TPRG1: variants seen among roughly 807,000 people sequenced by gnomAD.
The protein encoded by TPRG1 is tumor protein p63 regulated 1.
TPRG1 carries 29 observed loss-of-function variants against 29.3 expected under a neutral mutation model. That is an observed-to-expected ratio of 0.99 (90% CI 0.74 to 1.35). The LOEUF is 1.35. Among genes scored for constraint, TPRG1 ranks in the 40% most tolerant of loss-of-function variants. The pLI is 0.00. For missense variants in TPRG1, 327 were observed against 335.0 expected, an observed-to-expected ratio of 0.98 and a Z score of 0.19; for synonymous variants, 130 against 116.8, an observed-to-expected ratio of 1.11 and a Z score of -0.73.
chr3:189,241,848 A>G (rs992773459), intron 4 of TPRG1, among the ~76,000 whole-genome samples: 1 of 152,152 alleles, frequency 6.6e-6, no homozygotes. Flanking sequence ...GCTTCCTGCC[A>G]TGATTCTGAG....
intron 1 of TPRG1, chr3:189,121,614 C>T (rs927326707): frequency 1.3e-5 from 2 of 152,196 alleles, no homozygotes; most frequent in African/African-American, 4.8e-5. Flanking sequence ...ATTATTTGTT[C>T]TTGAAGCAGA....
rs189605587 is a variant in TPRG1, at chr3:189,081,628, A to G, written c.-462-45429A>G. On this transcript the variant is annotated intron_variant, in intron 4 of 10. Transcript: ENST00000433971. ...AAACACCTTACATGGTTCACTTTGG[A>G]TCATTAAGTAGCAAAGATTACCTCT... Among the ~76,000 whole-genome samples, 798 of 152,308 alleles carry G rather than the reference A, an allele frequency of 5.2e-3. 11 individuals carry two copies. The highest frequency in any genetic ancestry group is 0.019 in the African/African-American group (769 of 41,560).
intron 4 of TPRG1, chr3:189,267,516 G>C (rs1388462132): frequency 2.6e-5 from 4 of 152,198 alleles, no homozygotes; most frequent in Admixed American, 1.3e-4. Context: ...CGTTTTTAGT[G>C]GTGGGAACTG....
intron 4 of TPRG1, among the ~76,000 whole-genome samples, chr3:189,250,111 T>C (rs747802284): frequency 2.6e-5 from 4 of 152,164 alleles, no homozygotes; most frequent in Non-Finnish European, 5.9e-5. Context: ...TGGGGACTGA[T>C]GTAATTCCAG....
At chr3:189,032,730 A>C (rs1714002852) in intron 4 of TPRG1, among the ~76,000 whole-genome samples, 1 of 143,558 alleles carries the variant, frequency 7.0e-6, no homozygotes, top group Non-Finnish European at 1.5e-5. Context: ...TGTATCTCCT[A>C]ATGCTATCCC....
intron 4 of TPRG1, among the ~76,000 whole-genome samples, chr3:189,307,788 CCTT>C (rs1172415665): frequency 6.6e-6 from 1 of 152,148 alleles, no homozygotes; most frequent in Non-Finnish European, 1.5e-5. Context: ...TTCCAAGAGC[CCTT>C]CTAGCTCTGA....
At position 189,320,798 on chromosome 3, in the gene TPRG1, C is replaced by T. The variant is rs1011731896; in HGVS notation, c.806C>T (p.Ala269Val). The T allele has an allele frequency of 1.3e-6, 2 of 1,599,460 alleles. No individual in the cohort carries two copies. Among genetic ancestry groups the T allele is most frequent in the South Asian group, 1.1e-5 (1 of 88,446 alleles). ...CGCAACAAACTTGGCTATTCCCTTG[C>T]CCGTGGGAGTATTGGTTTTTGAGAG... Reference protein sequence around the residue: ...GNRNKLGYSLARGSIGF With the variant: ...GNRNKLGYSLVRGSIGF The change falls in exon 6 of 6, where the codon GCC becomes GTC. Residue 269 changes from alanine (A) to valine (V), a missense_variant. By Grantham distance (64) the Ala-to-Val change is moderately conservative. Transcript: ENST00000345063.
intron 2 of TPRG1, among the ~76,000 whole-genome samples, chr3:189,214,676 C>T (rs946270451): frequency 5.9e-5 from 9 of 152,142 alleles, no homozygotes; most frequent in African/African-American, 2.2e-4. Context: ...TCCCAGAAAT[C>T]TATGTTTTAA....
chr3:189,013,573 C>T (rs1340483912), intron 3 of TPRG1, among the ~76,000 whole-genome samples: 1 of 151,886 alleles, frequency 6.6e-6, no homozygotes, highest in African/African-American at 2.4e-5. Context: ...CCTGAAAATC[C>T]CTGTTATTTT....
intron 4 of TPRG1, among the ~76,000 whole-genome samples, chr3:189,067,859 A>G (rs1286948295): frequency 6.6e-6 from 1 of 152,236 alleles, no homozygotes; most frequent in East Asian, 1.9e-4. Context: ...TGCACAACAA[A>G]GGAAACAATC....
At chr3:189,301,679 A>T (rs981124313) in intron 4 of TPRG1, among the ~76,000 whole-genome samples, 2 of 152,206 alleles carry the variant, frequency 1.3e-5, no homozygotes, top group Non-Finnish European at 2.9e-5. Flanking sequence ...AGGCTGACAG[A>T]TAGCAAGGCC....
rs1387125259 is a variant in TPRG1 at position 189,058,560 on chromosome 3, C to T, written c.-463+34614C>T. Among the ~76,000 whole-genome samples the T allele has an allele frequency of 5.9e-5, 9 of 152,238 alleles. 1 individual carries two copies. Among genetic ancestry groups the T allele is most frequent in the East Asian group, 5.8e-4 (3 of 5,166 alleles). ...AAACAAGTCATTGGATCAAGGGATT[C>T]GGAAAAGTCAAGGCGCTGTTAGAAT... On this transcript the variant is annotated intron_variant, in intron 4 of 10. Transcript: ENST00000433971.
intron 4 of TPRG1, among the ~76,000 whole-genome samples, chr3:189,262,654 A>G (rs532887085): frequency 2.6e-5 from 4 of 152,332 alleles, no homozygotes; most frequent in African/African-American, 9.6e-5. Context: ...CGAATTATCA[A>G]TTGCTATGTT....
At chr3:189,090,739 ATTT>A (rs1718285497) in intron 4 of TPRG1, among the ~76,000 whole-genome samples, 2 of 151,898 alleles carry the variant, frequency 1.3e-5, no homozygotes, top group Admixed American at 1.3e-4. Flanking sequence ...TAATGTTTTC[ATTT>A]TTATCTTTTC....
At chr3:189,297,228 G>A (rs1187990566) in intron 4 of TPRG1, among the ~76,000 whole-genome samples, 1 of 151,960 alleles carries the variant, frequency 6.6e-6, no homozygotes, top group Non-Finnish European at 1.5e-5. Flanking sequence ...TGATCTGCCT[G>A]CCTCATCATC....
At chr3:189,099,735 G>C (rs984885653), upstream of TPRG1, among the ~76,000 whole-genome samples, 1 of 151,916 alleles carries the variant, frequency 6.6e-6, no homozygotes, top group Non-Finnish European at 1.5e-5. Context: ...CAGGGGAGGG[G>C]GTGCCACCTC....
intron 4 of TPRG1, among the ~76,000 whole-genome samples, chr3:189,068,545 G>A (rs1716605458): frequency 6.6e-6 from 1 of 152,218 alleles, no homozygotes; most frequent in Non-Finnish European, 1.5e-5. Context: ...GGGAGGCCAA[G>A]GTGGGTGGAT....
intron 4 of TPRG1, among the ~76,000 whole-genome samples, chr3:189,148,411 G>A (rs929216044): frequency 1.3e-5 from 2 of 152,202 alleles, no homozygotes; most frequent in Non-Finnish European, 2.9e-5. Context: ...AAAAGGTGCC[G>A]AGTGTTATCA....
intron 4 of TPRG1, among the ~76,000 whole-genome samples, chr3:189,245,850 T>C (rs1349130840): frequency 6.6e-6 from 1 of 152,182 alleles, no homozygotes; most frequent in Non-Finnish European, 1.5e-5. Flanking sequence ...TATTATTAGG[T>C]GCATGCACAT....
Sources: allele counts gnomAD v4.1 joint callset (sites outside exome capture counted in the v4.1 genomes callset), GRCh38; gene constraint gnomAD v4.1.1; transcripts MANE v1.5; gene names NCBI Gene and HGNC (gene_info 2026-07-23, HGNC 2026-07-21).